Variants in CYP27A1 observed in about 807,000 individuals in gnomAD.
The protein encoded by CYP27A1 is sterol 26-hydroxylase, mitochondrial.
In CYP27A1, 46 loss-of-function variants were observed where a neutral mutation model predicts 58.2. The observed-to-expected ratio is 0.79, with a 90% CI of 0.62 to 1.01. The LOEUF (loss-of-function observed/expected upper bound fraction) is 1.01, where lower values mean the gene tolerates loss of function less well. Ranked by LOEUF, CYP27A1 falls within the 50% of genes least tolerant of loss-of-function variation. The pLI is 0.00. For synonymous variants in CYP27A1, 274 were observed against 285.1 expected (o/e 0.96, Z 0.39); for missense variants, 704 against 687.0 (o/e 1.02, Z -0.28).
intron 1 of CYP27A1, among the ~76,000 whole-genome samples, chr2:218,797,984 A>G (rs1424977571): frequency 6.6e-6 from 1 of 152,168 alleles, no homozygotes; most frequent in Non-Finnish European, 1.5e-5. Context: ...CTAGGCAAGA[A>G]TTTACATTTT....
At chr2:218,798,240 G>A (rs1033953854) in intron 1 of CYP27A1, among the ~76,000 whole-genome samples, 6 of 152,096 alleles carry the variant, frequency 3.9e-5, no homozygotes, top group African/African-American at 1.4e-4. Flanking sequence ...CCTGACCTCA[G>A]GTGATCCACC....
chr2:218,798,949 C>T (rs1173865770), intron 1 of CYP27A1, among the ~76,000 whole-genome samples: 1 of 152,094 alleles, frequency 6.6e-6, no homozygotes, highest in African/African-American at 2.4e-5. Context: ...AAGCAGATTA[C>T]CCTCCGTAAT....
chr2:218,794,354 A>C (rs1943525284), intron 1 of CYP27A1, among the ~76,000 whole-genome samples: 2 of 152,242 alleles, frequency 1.3e-5, no homozygotes. Flanking sequence ...GGAAAATGGC[A>C]GTCATATCTC....
intron 1 of CYP27A1, among the ~76,000 whole-genome samples, chr2:218,794,807 G>A (rs1943530742): frequency 6.6e-6 from 1 of 152,150 alleles, no homozygotes; most frequent in African/African-American, 2.4e-5. Flanking sequence ...GGGGTCCTAG[G>A]GGTTCAGGAT....
chr2:218,814,056 C>T lies in CYP27A1; in HGVS notation c.1053C>T (p.Leu351=), dbSNP rs929730099. ...SNTLTWALYH[L]SKDPEIQEAL... The stretch of plus-strand genomic sequence containing the variant: ...CGCTGACATGGGCCCTGTACCACCT[C>T]TCAAAGGACCCTGAGATCCAGGAGG... Residue 351 remains leucine, a synonymous_variant, in exon 6 of 9, where the codon CTC becomes CTT. Transcript: ENST00000258415. The T allele has an allele frequency of 6.2e-7, 1 of 1,614,102 alleles. No individual in the cohort carries two copies. The highest frequency in any genetic ancestry group is 8.5e-7 in the Non-Finnish European group (1 of 1,180,042).
chr2:218,796,853 A>G (rs1047714294), intron 1 of CYP27A1, among the ~76,000 whole-genome samples: 1 of 152,206 alleles, frequency 6.6e-6, no homozygotes, highest in African/African-American at 2.4e-5. Flanking sequence ...TTTGCTTGAT[A>G]TTTGTGAATA....
At chr2:218,793,228 A>G (rs763549088) in intron 1 of CYP27A1, among the ~76,000 whole-genome samples, 1 of 152,050 alleles carries the variant, frequency 6.6e-6, no homozygotes, top group Non-Finnish European at 1.5e-5. Context: ...GGCATGCACC[A>G]CCATGCCCAG....
intron 1 of CYP27A1, among the ~76,000 whole-genome samples, chr2:218,786,291 T>C (rs1943439768): frequency 6.6e-6 from 1 of 152,132 alleles, no homozygotes; most frequent in Non-Finnish European, 1.5e-5. Context: ...AGGTTCACCC[T>C]CAAGCTGGGA....
chr2:218,806,951 ATTT>A (rs10647379), intron 1 of CYP27A1, among the ~76,000 whole-genome samples: 1 of 100,508 alleles, frequency 9.9e-6, no homozygotes, highest in Non-Finnish European at 1.9e-5. Flanking sequence ...CTCCTAGGGA[ATTT>A]TTTTTTTTTT....
chr2:218,783,719 G>A (rs1051998149), intron 1 of CYP27A1, among the ~76,000 whole-genome samples: 7 of 152,174 alleles, frequency 4.6e-5, no homozygotes, highest in Non-Finnish European at 1.0e-4. Flanking sequence ...GCTTCGATTC[G>A]GGGTGCCTCC....
At chr2:218,786,985 G>A (rs576115802) in intron 1 of CYP27A1, among the ~76,000 whole-genome samples, 1 of 152,130 alleles carries the variant, frequency 6.6e-6, no homozygotes, top group East Asian at 1.9e-4. Flanking sequence ...GGTAGAAAGA[G>A]GTTTCGCCAT....
intron 1 of CYP27A1, among the ~76,000 whole-genome samples, chr2:218,788,757 T>G (rs1943464328): frequency 6.6e-6 from 1 of 152,230 alleles, no homozygotes; most frequent in African/African-American, 2.4e-5. Context: ...GGCTTCCTTC[T>G]TCTGGATTTT....
At chr2:218,811,538 G>A (rs1454910708) in intron 2 of CYP27A1, among the ~76,000 whole-genome samples, 1 of 152,122 alleles carries the variant, frequency 6.6e-6, no homozygotes, top group African/African-American at 2.4e-5. Flanking sequence ...GCCTAACCAA[G>A]GAGGAGGCCT....
Position 218,782,209 on chromosome 2 carries a change from G to A in CYP27A1, c.27G>A (p.Leu9=). 1 of 1,539,518 alleles carries A rather than the reference G, an allele frequency of 6.5e-7. No homozygotes were observed. ...TGGCTGCGCTGGGCTGCGCGAGGCT[G>A]AGGTGGGCGCTGCGAGGGGCCGGCC... MAALGCAR[L]RWALRGAGRG... Residue 9 remains leucine (L), a synonymous_variant, in exon 1 of 9, where the codon CTG becomes CTA. Transcript: ENST00000258415. The surrounding 1 kb of genome is among the most constrained non-coding windows in gnomAD (Gnocchi z 4.1).
intron 1 of CYP27A1, among the ~76,000 whole-genome samples, chr2:218,804,888 A>C (rs766851243): frequency 7.9e-5 from 12 of 152,230 alleles, no homozygotes; most frequent in Non-Finnish European, 1.2e-4. Flanking sequence ...GTAGGCTAGA[A>C]GTGAGAGATC....
Position 218,811,018 on chromosome 2 carries a change from G to T in CYP27A1, c.447-1204G>T, listed in dbSNP as rs531890455. Among the ~76,000 whole-genome samples, 10 of 152,256 alleles carry T rather than the reference G, an allele frequency of 6.6e-5. No homozygotes were observed. In the South Asian group the frequency reaches 2.1e-3, roughly 32 times the overall value. ...TACAAAAAATTAGCTGGGTGTGGTG[G>T]CATGCACCTGTAGTCCCAGCTACTC... is the stretch of plus-strand genomic sequence containing the variant. On this transcript the variant is annotated intron_variant, in intron 2 of 8. Coordinates refer to ENST00000258415, the MANE Select transcript of CYP27A1 (RefSeq NM_000784.4).
In CYP27A1 at chr2:218,812,279, A is replaced by C; in HGVS notation, c.504A>C (p.Pro168=). The C allele has an allele frequency of 6.2e-7, 1 of 1,614,232 alleles. No individual in the cohort carries two copies. Among genetic ancestry groups the C allele is most frequent in the Non-Finnish European group, 8.5e-7 (1 of 1,180,028 alleles). ...RQALNQRLLK[P]AEAALYTDAF... ...CTCTGAACCAGCGGTTGCTGAAGCC[A>C]GCGGAAGCAGCGCTCTATACGGATG... The change falls in exon 3 of 9, where the codon CCA becomes CCC. Residue 168 remains proline, a synonymous_variant. Coordinates refer to ENST00000258415, the MANE Select transcript of CYP27A1 (RefSeq NM_000784.4).
intron 1 of CYP27A1, among the ~76,000 whole-genome samples, chr2:218,785,889 G>A (rs1264613843): frequency 3.3e-5 from 5 of 152,130 alleles, no homozygotes; most frequent in Non-Finnish European, 5.9e-5. Context: ...CACTCAAACT[G>A]GCTCAAACTA....
intron 1 of CYP27A1, among the ~76,000 whole-genome samples, chr2:218,794,824 G>T (rs548266209): frequency 6.6e-6 from 1 of 152,336 alleles, no homozygotes; most frequent in Non-Finnish European, 1.5e-5. Context: ...GGATGCATTT[G>T]AAAGGGTACA....
Sources: allele counts gnomAD v4.1 joint callset (sites outside exome capture counted in the v4.1 genomes callset), GRCh38; gene constraint gnomAD v4.1.1; non-coding constraint Gnocchi (gnomAD v3.1); transcripts MANE v1.5; gene names NCBI Gene and HGNC (gene_info 2026-07-23, HGNC 2026-07-21).